Variants in SMARCE1 observed in about 807,000 individuals in gnomAD.
SMARCE1 encodes the protein SWI/SNF related BAF chromatin remodeling complex subunit E1.
SMARCE1 carries 13 observed loss-of-function variants against 54.9 expected under a neutral mutation model. The ratio of observed to expected loss-of-function variants is 0.24; its 90% CI spans 0.15 to 0.38. The LOEUF (loss-of-function observed/expected upper bound fraction) is 0.38, where lower values mean the gene tolerates loss of function less well. SMARCE1 is among the 10% of genes least tolerant of loss of function. The pLI is 1.00. For synonymous variants in SMARCE1, 151 were observed against 175.3 expected (o/e 0.86, Z 1.10); for missense variants, 295 against 523.8 (o/e 0.56, Z 4.26).
chr17:40,642,966 C>T lies in SMARCE1; in HGVS notation c.52-407G>A, dbSNP rs191689381. On this transcript the variant is annotated intron_variant, in intron 3 of 10. Transcript: ENST00000348513. The surrounding 1 kb of genome is among the most constrained non-coding windows in gnomAD (Gnocchi z 4.6). ...GTGTGATCAACTAGAACTCTGAAAACACTACATGCAAAACAAAATACAATT... is the reference window on the plus strand; with the variant it reads ...GTGTGATCAACTAGAACTCTGAAAATACTACATGCAAAACAAAATACAATT... 6.3e-6 allele frequency: 1 copy of T among 158,562 alleles called. No individual in the cohort carries two copies. The highest frequency in any genetic ancestry group is 2.4e-5 in the African/African-American group (1 of 41,774). 9.8% of individuals were successfully genotyped at this position (158,562 alleles called of 1,614,324 possible).
At chr17:40,634,580 G>T (rs2037127685) in intron 7 of SMARCE1, 1 of 152,178 alleles carries the variant, frequency 6.6e-6, no homozygotes, top group Non-Finnish European at 1.5e-5. Flanking sequence ...GTATGCTAAA[G>T]ACATTCTCAT....
At chr17:40,636,980 A>G (rs1185875840) in intron 5 of SMARCE1, 1 of 158,856 alleles carries the variant, frequency 6.3e-6, no homozygotes, top group Non-Finnish European at 1.4e-5. Flanking sequence ...GCCTTTTAAT[A>G]AAGATATTGG....
intron 10 of SMARCE1, 91 bp from the exon 11 acceptor site, chr17:40,629,084 G>A (rs2037064798): frequency 9.9e-7 from 1 of 1,011,460 alleles, no homozygotes; most frequent in East Asian, 2.4e-5. Context: ...CAATATAGAA[G>A]CCACTAGCCA....
At chr17:40,631,773 T>C in intron 8 of SMARCE1, 80 bp from the exon 9 acceptor site, 1 of 796,770 alleles carries the variant, frequency 1.3e-6, no homozygotes, top group Non-Finnish European at 2.1e-6. Context: ...CAAATAATGT[T>C]TTGAACTTTA....
intron 10 of SMARCE1, 22 bp from the exon 11 acceptor site, chr17:40,629,015 T>G (rs545129086): frequency 3.8e-6 from 6 of 1,599,224 alleles, no homozygotes; most frequent in Non-Finnish European, 5.1e-6. Context: ...CATTTGTCAC[T>G]GTCAGTTCCA....
intron 4 of SMARCE1, chr17:40,640,125 GT>G (rs2037183202): frequency 6.6e-6 from 1 of 152,184 alleles, no homozygotes; most frequent in South Asian, 2.1e-4. Flanking sequence ...TGGTTACTCA[GT>G]TTTTTGTTGT....
intron 5 of SMARCE1, chr17:40,637,015 T>C (rs1567847417): frequency 1.3e-5 from 2 of 150,176 alleles, no homozygotes; most frequent in African/African-American, 5.5e-5. Flanking sequence ...TTAAGAGTAA[T>C]GTAGGCTCAT....
Position 40,626,838 on chromosome 17 carries a change from G to A in SMARCE1, c.*1947C>T. On this transcript the variant is annotated 3_prime_UTR_variant, in exon 11 of 11. Coordinates refer to ENST00000348513, the MANE Select transcript of SMARCE1 (RefSeq NM_003079.5). The stretch of plus-strand genomic sequence containing the variant: ...GCAGTGAGCTGAGATCGCCACCACT[G>A]CACTCCAACCTGGGCGACAGATTGA... 2.0e-5 allele frequency: 1 copy of A among 48,970 alleles called. No individual in the cohort carries two copies. Among genetic ancestry groups the A allele is most frequent in the Non-Finnish European group, 3.7e-5 (1 of 26,740 alleles). 3.0% of individuals were successfully genotyped at this position (48,970 alleles called of 1,614,324 possible).
rs201484943 is a variant in SMARCE1 at position 40,632,330 on chromosome 17, G to A, written c.579C>T (p.Thr193=). The A allele has an allele frequency of 9.2e-5, 148 of 1,614,012 alleles. No individual in the cohort carries two copies. Among genetic ancestry groups the A allele is most frequent in the African/African-American group, 2.7e-4 (20 of 74,986 alleles). ...GGCGGTGGTTTCTCTGGAAACGGGC[G>A]GTGGCTGTATGCTTCATTGAAAAGC... ...DDGFSMKHTA[T]ARFQRNHRLI... Residue 193 remains threonine, a synonymous_variant, in exon 8 of 11, where the codon ACC becomes ACT. Coordinates refer to ENST00000348513, the MANE Select transcript of SMARCE1 (RefSeq NM_003079.5).
At position 40,642,223 on chromosome 17, in the gene SMARCE1, C is replaced by T; in HGVS notation, c.156+232G>A. 1.6e-6 allele frequency: 1 copy of T among 611,052 alleles called. No individual in the cohort carries two copies. 37.9% of individuals were successfully genotyped at this position (611,052 alleles called of 1,614,324 possible). A position where few individuals can be genotyped will look rare whatever the true frequency, so the allele number is the denominator to read the frequency against. On this transcript the variant is annotated intron_variant, in intron 4 of 10. Transcript: ENST00000348513. The surrounding 1 kb of genome is among the most constrained non-coding windows in gnomAD (Gnocchi z 4.6). ...AGCATCAAGTGCTCAAGGCTTTAAC[C>T]CTACCAACCACCAAACAGAATGGAT...
intron 4 of SMARCE1, among the ~76,000 whole-genome samples, chr17:40,638,474 T>TA (rs930098909): frequency 2.0e-5 from 3 of 151,410 alleles, no homozygotes; most frequent in Non-Finnish European, 4.4e-5. Context: ...AAAGAAAAAA[T>TA]AAAAAAAGAA....
chr17:40,639,620 TACA>T (rs898993111), intron 4 of SMARCE1, among the ~76,000 whole-genome samples: 28 of 152,170 alleles, frequency 1.8e-4, no homozygotes, highest in East Asian at 5.8e-4. Context: ...CCAGTCAACT[TACA>T]ACAACAACAA....
chr17:40,631,615 A>T lies in SMARCE1; in HGVS notation c.793T>A (p.Ser265Thr). The T allele has an allele frequency of 6.3e-7, 1 of 1,590,004 alleles. No homozygotes were observed. The highest frequency in any genetic ancestry group is 8.6e-7 in the Non-Finnish European group (1 of 1,158,592). ...KKRKFLESTDSFNNELKRLCG... is the reference protein window; with the variant it reads ...KKRKFLESTDTFNNELKRLCG... ...ACCCTTTTAAGTTCATTGTTAAATG[A>T]ATCTGTGCTTTCCAGGAATTTCCTC... The change falls in exon 9 of 11, where the codon TCA becomes ACA. Residue 265 changes from serine (S) to threonine (T), a missense_variant. Around this residue, in one of 5 missense-constraint regions of SMARCE1, gnomAD observed 101 missense variants for 183.1 expected, o/e 0.55. Coordinates refer to ENST00000348513, the MANE Select transcript of SMARCE1 (RefSeq NM_003079.5).
chr17:40,631,516 T>TG, intron 9 of SMARCE1, 76 bp downstream of exon 9: 1 of 795,714 alleles, frequency 1.3e-6, no homozygotes, highest in East Asian at 2.5e-5. Context: ...AAAAACACTA[T>TG]TTTGGAAAAA....
intron 4 of SMARCE1, among the ~76,000 whole-genome samples, chr17:40,639,407 C>T (rs2037175772): frequency 1.3e-5 from 2 of 152,116 alleles, no homozygotes; most frequent in Non-Finnish European, 2.9e-5. Context: ...GGTAAGACCA[C>T]TGTCAAAATT....
Position 40,626,859 on chromosome 17 carries a change from A to AT in SMARCE1, c.*1925dup, listed in dbSNP as rs2037040473. ...CACTGCACTCCAACCTGGGCGACAG[A>AT]TTGAGACGTCTCCCATCTGACTTAA... is the stretch of plus-strand genomic sequence containing the variant. On this transcript the variant is annotated 3_prime_UTR_variant, in exon 11 of 11. Coordinates refer to ENST00000348513, the MANE Select transcript of SMARCE1 (RefSeq NM_003079.5). 6.6e-6 allele frequency: 1 copy of AT among 151,898 alleles called. No individual in the cohort carries two copies. The highest frequency in any genetic ancestry group is 1.5e-5 in the Non-Finnish European group (1 of 68,062). 9.4% of individuals were successfully genotyped at this position (151,898 alleles called of 1,614,324 possible). A position where few individuals can be genotyped will look rare whatever the true frequency, so the allele number is the denominator to read the frequency against.
chr17:40,639,017 G>A (rs765741149), intron 4 of SMARCE1, among the ~76,000 whole-genome samples: 4 of 152,040 alleles, frequency 2.6e-5, no homozygotes, highest in Non-Finnish European at 2.9e-5. Context: ...AAAGCATTTC[G>A]CCTTGGAAGC....
intron 6 of SMARCE1, 105 bp downstream of exon 6, chr17:40,636,290 A>G (rs2037145412): frequency 7.8e-7 from 1 of 1,275,904 alleles, no homozygotes; most frequent in East Asian, 2.3e-5. Flanking sequence ...GAGCCTCAGT[A>G]CTGCATCAGT....
At chr17:40,631,368 G>A (rs1045239301) in intron 9 of SMARCE1, 1 of 432,514 alleles carries the variant, frequency 2.3e-6, no homozygotes, top group Non-Finnish European at 4.1e-6. Flanking sequence ...GCATTTACAG[G>A]CCTAGAAGAT....
Sources: gnomAD v4.1 joint callset for allele counts (sites outside exome capture counted in the v4.1 genomes callset) on GRCh38, gnomAD v4.1.1 for gene constraint, gnomAD v4.1.1 regional missense constraint, Gnocchi (gnomAD v3.1) non-coding constraint, MANE v1.5 for transcripts, NCBI Gene and HGNC (gene_info 2026-07-23, HGNC 2026-07-21) for gene names.